The following ANAPC10 variants were observed in gnomAD, a reference collection of about 807,000 sequenced individuals.
ANAPC10 encodes anaphase promoting complex subunit 10.
ANAPC10 carries 12 observed loss-of-function variants against 22.0 expected under a neutral mutation model. The ratio of observed to expected loss-of-function variants is 0.55; its 90% CI spans 0.35 to 0.88. ANAPC10 has a LOEUF of 0.88. Ranked by LOEUF, ANAPC10 falls within the 40% of genes least tolerant of loss-of-function variation. The probability of loss-of-function intolerance (pLI) is 0.01; values close to 1 mark genes in which losing one functional copy is unlikely to be tolerated. For synonymous variants in ANAPC10, 65 were observed against 69.5 expected (o/e 0.94, Z 0.32); for missense variants, 188 against 220.9 (o/e 0.85, Z 0.94).
At chr4:145,083,981 T>C (rs1223092730) in intron 2 of ANAPC10, among the ~76,000 whole-genome samples, 2 of 152,152 alleles carry the variant, frequency 1.3e-5, no homozygotes, top group Non-Finnish European at 2.9e-5. Context: ...TTTTTTTTTT[T>C]TCTTTTTGAG....
intron 4 of ANAPC10, among the ~76,000 whole-genome samples, chr4:145,055,864 A>C (rs1281624863): frequency 6.6e-6 from 1 of 152,230 alleles, no homozygotes; most frequent in Non-Finnish European, 1.5e-5. Context: ...TATATGTAGC[A>C]CTACTGAACT....
intron 3 of ANAPC10, among the ~76,000 whole-genome samples, chr4:145,072,884 T>A (rs1469506438): frequency 1.3e-5 from 2 of 151,968 alleles, no homozygotes; most frequent in Non-Finnish European, 2.9e-5. Context: ...AAGCCTAGTA[T>A]CTATTACGTA....
intron 4 of ANAPC10, chr4:145,053,870 C>T (rs1483319962): frequency 3.9e-6 from 2 of 513,846 alleles, no homozygotes; most frequent in Admixed American, 3.6e-5. Context: ...GTAGTTTCAG[C>T]AAGATTTACT....
intron 4 of ANAPC10, among the ~76,000 whole-genome samples, chr4:145,030,098 G>T (rs1302876713): frequency 6.6e-6 from 1 of 152,186 alleles, no homozygotes; most frequent in Non-Finnish European, 1.5e-5. Context: ...AGTCTGACTT[G>T]TGTAGAGCTT....
intron 1 of ANAPC10, 157 bp downstream of exon 1, chr4:145,097,963 T>C (rs1328776238): frequency 5.4e-6 from 1 of 184,950 alleles, no homozygotes; most frequent in Non-Finnish European, 1.1e-5. Context: ...CTGTTGGTCC[T>C]ACTGACACCT....
chr4:145,098,434 C>T (rs544877154), upstream of ANAPC10: 1 of 152,692 alleles, frequency 6.5e-6, no homozygotes, highest in African/African-American at 2.4e-5. Flanking sequence ...GTGAATAGCC[C>T]GGAGAGGTTT....
At chr4:145,091,987 C>A (rs1425549552) in intron 2 of ANAPC10, among the ~76,000 whole-genome samples, 1 of 152,138 alleles carries the variant, frequency 6.6e-6, no homozygotes, top group African/African-American at 2.4e-5. Flanking sequence ...ACTGCTGCTG[C>A]ACTAGGAAAA....
At chr4:145,029,943 C>CA in intron 4 of ANAPC10, among the ~76,000 whole-genome samples, 1 of 152,154 alleles carries the variant, frequency 6.6e-6, no homozygotes. Context: ...CGATGAGAAC[C>CA]ACGGTCACTC....
intron 4 of ANAPC10, among the ~76,000 whole-genome samples, chr4:145,063,102 GACT>G (rs767307439): frequency 1.3e-5 from 2 of 152,114 alleles, no homozygotes; most frequent in Non-Finnish European, 2.9e-5. Flanking sequence ...ATATAACAGT[GACT>G]ACATTAATAA....
intron 4 of ANAPC10, among the ~76,000 whole-genome samples, chr4:145,010,566 C>T (rs1055329296): frequency 2.6e-5 from 4 of 152,062 alleles, no homozygotes; most frequent in Non-Finnish European, 4.4e-5. Context: ...AGCAAACTAT[C>T]GCAAAGACAG....
chr4:145,020,220 A>G (rs538812827), intron 4 of ANAPC10, among the ~76,000 whole-genome samples: 1 of 152,328 alleles, frequency 6.6e-6, no homozygotes, highest in East Asian at 1.9e-4. Context: ...ACAACATACC[A>G]AAAAGATAAA....
chr4:145,071,001 T>C (rs1366024587), intron 3 of ANAPC10, among the ~76,000 whole-genome samples: 1 of 152,028 alleles, frequency 6.6e-6, no homozygotes, highest in East Asian at 1.9e-4. Flanking sequence ...AAAAGGAAAT[T>C]GGGTGGTTAT....
intron 4 of ANAPC10, among the ~76,000 whole-genome samples, chr4:145,019,514 C>T (rs1560830957): frequency 6.6e-6 from 1 of 152,050 alleles, no homozygotes; most frequent in Non-Finnish European, 1.5e-5. Context: ...CAAACTGACA[C>T]TCAAAGGTCA....
chr4:144,998,157 C>T (rs982468484), intron 4 of ANAPC10, among the ~76,000 whole-genome samples: 2 of 152,110 alleles, frequency 1.3e-5, no homozygotes, highest in Non-Finnish European at 2.9e-5. Context: ...CCACTGTCAA[C>T]ATTAGACAGA....
intron 4 of ANAPC10, among the ~76,000 whole-genome samples, chr4:145,055,564 TA>T (rs200088692): frequency 1.7e-3 from 224 of 135,620 alleles, no homozygotes; most frequent in African/African-American, 5.7e-3. Context: ...TCTCAATAAA[TA>T]AAAAAAAAAT....
At chr4:145,017,142 G>C (rs1442024633) in intron 4 of ANAPC10, among the ~76,000 whole-genome samples, 1 of 152,144 alleles carries the variant, frequency 6.6e-6, no homozygotes, top group Non-Finnish European at 1.5e-5. Flanking sequence ...AAACTAAAGA[G>C]CTTCTGCACA....
At chr4:145,040,135 G>A (rs201988495) in intron 4 of ANAPC10, among the ~76,000 whole-genome samples, 2 of 17,100 alleles carry the variant, frequency 1.2e-4, no homozygotes, top group African/African-American at 2.0e-4. Context: ...GTGTATGTGT[G>A]TGTGTGTGTG....
chr4:145,088,401 T>C lies in ANAPC10; in HGVS notation c.116-6651A>G, dbSNP rs150185931. On this transcript the variant is annotated intron_variant, in intron 2 of 4. Coordinates refer to ENST00000507656, the MANE Select transcript of ANAPC10 (RefSeq NM_001256706.2). ...TTACTAAACATTTCAACTAGAAAAA[T>C]AGGCATTGCAAAATTAACATATATA... Among the ~76,000 whole-genome samples, 35 of 152,234 alleles carry C rather than the reference T, an allele frequency of 2.3e-4. No individual in the cohort carries two copies. In the East Asian group the frequency reaches 6.4e-3, roughly 28 times the overall value.
At chr4:144,997,243 C>T (rs564114579) in intron 4 of ANAPC10, among the ~76,000 whole-genome samples, 2 of 152,112 alleles carry the variant, frequency 1.3e-5, no homozygotes, top group Non-Finnish European at 2.9e-5. Context: ...GAGAACACCA[C>T]AAAGATACTC....
Sources: gnomAD v4.1 joint callset for allele counts (sites outside exome capture counted in the v4.1 genomes callset) on GRCh38, gnomAD v4.1.1 for gene constraint, MANE v1.5 for transcripts, NCBI Gene and HGNC (gene_info 2026-07-23, HGNC 2026-07-21) for gene names.